QPRT: variants seen among roughly 807,000 people sequenced by gnomAD.
The protein encoded by QPRT is quinolinate phosphoribosyltransferase, also known as nicotinate-nucleotide pyrophosphorylase [carboxylating].
QPRT carries 17 observed loss-of-function variants against 19.8 expected under a neutral mutation model. That is an observed-to-expected ratio of 0.86 (90% CI 0.59 to 1.29). QPRT has a LOEUF of 1.29. Among genes scored for constraint, QPRT ranks in the 50% most tolerant of loss-of-function variants. QPRT has a pLI of 0.00. For synonymous variants in QPRT, 178 were observed against 191.0 expected (o/e 0.93, Z 0.56); for missense variants, 336 against 405.1 (o/e 0.83, Z 1.46).
chr16:29,682,083 T>C (rs1338890655), intron 1 of QPRT, among the ~76,000 whole-genome samples: 7 of 151,930 alleles, frequency 4.6e-5, no homozygotes, highest in Admixed American at 4.6e-4. Flanking sequence ...TGGTGTGCAG[T>C]AACATAATCA....
At position 29,697,526 on chromosome 16, in the gene QPRT, G is replaced by T. The variant is rs1336089770; in HGVS notation, c.*115G>T. 4 of 1,117,592 alleles carry T rather than the reference G, an allele frequency of 3.6e-6. No homozygotes were observed. In the African/African-American group the frequency reaches 6.3e-5, roughly 18 times the overall value. The allele number at this position is 1,117,592 out of a possible 1,614,324, so 69.2% of individuals were successfully genotyped here. On this transcript the variant is annotated 3_prime_UTR_variant, in exon 4 of 4. Transcript: ENST00000395384. This position sits in a 1 kb window ranked among gnomAD's most constrained non-coding sequence, Gnocchi z 4.4. ...TGGGGCACATTTGGCACTAGCTTGAGCCCAACTCTGGCTCTGCCACCTGCT... is the reference window on the plus strand; with the variant it reads ...TGGGGCACATTTGGCACTAGCTTGATCCCAACTCTGGCTCTGCCACCTGCT...
At chr16:29,692,326 A>T (rs1256233221) in intron 1 of QPRT, among the ~76,000 whole-genome samples, 1 of 152,028 alleles carries the variant, frequency 6.6e-6, no homozygotes, top group East Asian at 1.9e-4. Context: ...CACGCCTGTA[A>T]TCCCAGCACT....
At chr16:29,679,263 C>A in intron 1 of QPRT, 53 bp downstream of exon 1, 1 of 1,402,046 alleles carries the variant, frequency 7.1e-7, no homozygotes, top group South Asian at 1.2e-5. Context: ...CCACTGCCTA[C>A]CCCTGCCCCC....
Position 29,682,206 on chromosome 16 carries a change from A to ATT in QPRT, c.13+3009_13+3010dup, listed in dbSNP as rs71143749. ...CACCACACCTGGCTAATTAAAATAA[A>ATT]TTTTTTTTTTTTTTAGAGATGGGTT... On this transcript the variant is annotated intron_variant, in intron 1 of 3. Coordinates refer to ENST00000395384, the MANE Select transcript of QPRT (RefSeq NM_014298.6). 5.8e-4 allele frequency among the ~76,000 whole-genome samples: 85 copies of ATT among 145,576 alleles called. 3 individuals carry two copies. The South Asian group carries it at 9.9e-3, about 17-fold the overall frequency.
At chr16:29,681,866 G>A (rs1967018241) in intron 1 of QPRT, among the ~76,000 whole-genome samples, 3 of 151,822 alleles carry the variant, frequency 2.0e-5, no homozygotes, top group Non-Finnish European at 2.9e-5. Context: ...GGGACTACAC[G>A]TGCTTCAGGC....
Position 29,697,460 on chromosome 16 carries a change from C to T in QPRT, c.*49C>T. The T allele has an allele frequency of 6.5e-7, 1 of 1,549,658 alleles. No individual in the cohort carries two copies. The highest frequency in any genetic ancestry group is 8.8e-7 in the Non-Finnish European group (1 of 1,139,986). On this transcript the variant is annotated 3_prime_UTR_variant, in exon 4 of 4. Transcript: ENST00000395384. The surrounding 1 kb of genome is among the most constrained non-coding windows in gnomAD (Gnocchi z 4.4). ...CCGGCCATGGGTTAACGTGGCTCCTCAGGACCCTCTGGGTCACACATCTTT... is the reference window on the plus strand; with the variant it reads ...CCGGCCATGGGTTAACGTGGCTCCTTAGGACCCTCTGGGTCACACATCTTT...
chr16:29,679,305 C>T (rs1257369153), intron 1 of QPRT, 95 bp downstream of exon 1: 6 of 922,294 alleles, frequency 6.5e-6, no homozygotes, highest in African/African-American at 3.3e-5. Flanking sequence ...TTGTTGCCTC[C>T]TCTGGAGTCA....
intron 1 of QPRT, among the ~76,000 whole-genome samples, chr16:29,689,586 G>T (rs1967264695): frequency 6.6e-6 from 1 of 152,084 alleles, no homozygotes; most frequent in African/African-American, 2.4e-5. Context: ...GGAAAGAGAA[G>T]CGAAACTAAA....
chr16:29,685,963 C>T (rs934907447), intron 1 of QPRT, among the ~76,000 whole-genome samples: 16 of 152,132 alleles, frequency 1.1e-4, no homozygotes, highest in East Asian at 1.9e-4. Flanking sequence ...CGGGTTCAAC[C>T]GATTCTCCTG....
intron 2 of QPRT, 82 bp downstream of exon 2, chr16:29,695,281 A>C: frequency 7.1e-7 from 1 of 1,399,176 alleles, no homozygotes; most frequent in Non-Finnish European, 9.3e-7. Context: ...GCCTCCAGCC[A>C]TGACCGGGTG....
chr16:29,680,309 A>G (rs191366869), intron 1 of QPRT, among the ~76,000 whole-genome samples: 12 of 152,232 alleles, frequency 7.9e-5, no homozygotes, highest in Middle Eastern at 3.4e-3. Flanking sequence ...TGGGTTTTAC[A>G]AGGAGCCAGG....
At chr16:29,690,566 G>A (rs1011330062) in intron 1 of QPRT, among the ~76,000 whole-genome samples, 1 of 152,018 alleles carries the variant, frequency 6.6e-6, no homozygotes, top group Non-Finnish European at 1.5e-5. Flanking sequence ...GATTTGCTCT[G>A]TGCCTATAGT....
At chr16:29,692,372 A>C (rs2142308133) in intron 1 of QPRT, among the ~76,000 whole-genome samples, 1 of 151,898 alleles carries the variant, frequency 6.6e-6, no homozygotes, top group South Asian at 2.1e-4. Context: ...CGAAGTCAGG[A>C]GATTGAGACC....
At chr16:29,696,966 C>T (rs1222828301) in intron 2 of QPRT, 30 bp from the exon 3 acceptor site, 1 of 1,573,758 alleles carries the variant, frequency 6.4e-7, no homozygotes, top group East Asian at 2.2e-5. Context: ...GGGCCCAGTC[C>T]TCACCCTTGT....
chr16:29,692,330 C>T (rs1967369156), intron 1 of QPRT, among the ~76,000 whole-genome samples: 2 of 152,064 alleles, frequency 1.3e-5, no homozygotes, highest in Admixed American at 1.3e-4. Context: ...CCTGTAATCC[C>T]AGCACTTTGG....
Position 29,694,839 on chromosome 16 carries a change from A to G in QPRT, c.189A>G (p.Ile63Met). 1.9e-6 allele frequency: 3 copies of G among 1,614,086 alleles called. No homozygotes were observed. The highest frequency in any genetic ancestry group is 2.5e-6 in the Non-Finnish European group (3 of 1,179,960). The part of the protein sequence containing the change: ...VLAGQPFFDA[I>M]FTQLNCQVSW... Reference sequence around the variant, plus strand: ...CAGGGCAGCCTTTCTTCGATGCCATATTTACCCAACTCAACTGCCAAGTCT... The same window carrying G: ...CAGGGCAGCCTTTCTTCGATGCCATGTTTACCCAACTCAACTGCCAAGTCT... The change falls in exon 2 of 4, where the codon ATA (isoleucine) becomes ATG (methionine). Residue 63 changes from isoleucine (I) to methionine (M), a missense_variant. Coordinates refer to ENST00000395384, the MANE Select transcript of QPRT (RefSeq NM_014298.6).
upstream of QPRT, chr16:29,679,071 C>A (rs778957792): frequency 1.3e-6 from 2 of 1,554,032 alleles, no homozygotes; most frequent in Middle Eastern, 1.7e-4. Context: ...GCTTGGGGAG[C>A]CTGGGAAGGG....
At chr16:29,679,127 C>T, upstream of QPRT, 1 of 1,613,716 alleles carries the variant, frequency 6.2e-7, no homozygotes, top group Non-Finnish European at 8.5e-7. Context: ...CAGTCCCACC[C>T]CCAGCCTGGG....
chr16:29,690,398 A>C (rs1382270974), intron 1 of QPRT, among the ~76,000 whole-genome samples: 2 of 152,166 alleles, frequency 1.3e-5, no homozygotes, highest in Admixed American at 6.6e-5. Context: ...GCTGGGTGGA[A>C]TGGTATTTCT....
Sources: allele counts gnomAD v4.1 joint callset (sites outside exome capture counted in the v4.1 genomes callset), GRCh38; gene constraint gnomAD v4.1.1; non-coding constraint Gnocchi (gnomAD v3.1); transcripts MANE v1.5; gene names NCBI Gene and HGNC (gene_info 2026-07-23, HGNC 2026-07-21).